Variants in LATS2 observed in about 807,000 individuals in gnomAD.
The protein encoded by LATS2 is serine/threonine-protein kinase LATS2.
In LATS2, 24 loss-of-function variants were observed where a neutral mutation model predicts 76.0. The ratio of observed to expected loss-of-function variants is 0.32; its 90% confidence interval spans 0.23 to 0.44. The LOEUF is 0.44. LATS2 is among the 20% of genes least tolerant of loss of function. The pLI, the probability that LATS2 is intolerant of heterozygous loss-of-function variation, is 1.00. For synonymous variants in LATS2, 692 were observed against 635.4 expected, an observed-to-expected ratio of 1.09 and a Z score of -1.34; for missense variants, 1,286 against 1,481.2, an observed-to-expected ratio of 0.87 and a Z score of 2.16.
intron 2 of LATS2, among the ~76,000 whole-genome samples, chr13:21,032,599 A>G (rs1461337093): frequency 2.6e-5 from 4 of 151,970 alleles, no homozygotes; most frequent in Non-Finnish European, 4.4e-5. Flanking sequence ...CCCATCAGCT[A>G]TCATTAGTAT....
At chr13:21,012,654 G>A (rs947385077) in intron 2 of LATS2, among the ~76,000 whole-genome samples, 17 of 152,102 alleles carry the variant, frequency 1.1e-4, no homozygotes, top group African/African-American at 3.9e-4. Context: ...TTTGTTGGAT[G>A]GTAAACAAGT....
intron 1 of LATS2, among the ~76,000 whole-genome samples, chr13:21,048,019 C>T (rs1873133826): frequency 6.6e-6 from 1 of 152,168 alleles, no homozygotes; most frequent in African/African-American, 2.4e-5. Flanking sequence ...TAAGACTGTG[C>T]AGACATTGAG....
In LATS2 at chr13:20,995,193, AT is replaced by A. The variant is rs141307868; in HGVS notation, c.343-3790del. 9.9e-3 allele frequency among the ~76,000 whole-genome samples: 1,505 copies of A among 152,276 alleles called. 30 individuals carry two copies. The highest frequency in any genetic ancestry group is 0.035 in the African/African-American group (1,444 of 41,558). On this transcript the variant is annotated intron_variant, in intron 2 of 7. Coordinates refer to ENST00000382592, the MANE Select transcript of LATS2 (RefSeq NM_014572.3). ...CTGTTACAGTTCACAAAGGTATCTTATGTGTTTCTGGGAAAAAAAAACATAA... is the reference window on the plus strand; with the variant it reads ...CTGTTACAGTTCACAAAGGTATCTTAGTGTTTCTGGGAAAAAAAAACATAA...
In LATS2 at chr13:20,979,756, G is replaced by C; in HGVS notation, c.2707C>G (p.Leu903Val). 1 of 1,612,362 alleles carries C rather than the reference G, an allele frequency of 6.2e-7. No individual in the cohort carries two copies. Among genetic ancestry groups the C allele is most frequent in the Non-Finnish European group, 8.5e-7 (1 of 1,178,836 alleles). The change falls in exon 7 of 8, where the codon CTC becomes GTC. Residue 903 changes from leucine (L) to valine (V), a missense_variant. Leu to Val is a conservative substitution (Grantham distance 32, BLOSUM62 1). Around this residue, in one of 5 missense-constraint regions of LATS2, gnomAD observed 247 missense variants for 385.4 expected, o/e 0.64. Transcript: ENST00000382592. ...LCDWWSVGVI[L>V]FEMLVGQPPF... ...GGCTGCCCCACCAGCATCTCGAAGA[G>C]AATCACTCCAACACTCCACCAGTCA...
chr13:20,994,109 C>T (rs1870634419), intron 2 of LATS2, among the ~76,000 whole-genome samples: 2 of 152,170 alleles, frequency 1.3e-5, no homozygotes, highest in African/African-American at 4.8e-5. Flanking sequence ...GCACCCACTA[C>T]TCAAGATGTG....
chr13:21,012,363 G>A (rs1162020008), intron 2 of LATS2, among the ~76,000 whole-genome samples: 1 of 152,138 alleles, frequency 6.6e-6, no homozygotes, highest in Non-Finnish European at 1.5e-5. Context: ...AGTGCTGTAG[G>A]TTTGTTTACA....
At chr13:21,007,563 A>AC (rs1178120552) in intron 2 of LATS2, among the ~76,000 whole-genome samples, 177 of 16,714 alleles carry the variant, frequency 0.011, 59 homozygotes, top group African/African-American at 0.047. Flanking sequence ...ATATATATAT[A>AC]TATATATATA....
chr13:21,020,651 A>G (rs1042896300), intron 2 of LATS2, among the ~76,000 whole-genome samples: 13 of 152,248 alleles, frequency 8.5e-5, no homozygotes, highest in Non-Finnish European at 1.9e-4. Context: ...CCATCCATCA[A>G]ACAGCCAGGC....
intron 2 of LATS2, among the ~76,000 whole-genome samples, chr13:21,043,413 G>A (rs7335617): frequency 2.0e-5 from 3 of 152,028 alleles, no homozygotes; most frequent in African/African-American, 7.3e-5. Flanking sequence ...CTAAAGGTAC[G>A]GTTATCTTTT....
intron 2 of LATS2, among the ~76,000 whole-genome samples, chr13:21,039,523 A>G (rs995080703): frequency 6.6e-6 from 1 of 152,134 alleles, no homozygotes; most frequent in African/African-American, 2.4e-5. Context: ...GGAGATCTGC[A>G]TTTCTGGTTA....
At chr13:21,004,552 G>A (rs1413457982) in intron 2 of LATS2, among the ~76,000 whole-genome samples, 1 of 152,152 alleles carries the variant, frequency 6.6e-6, no homozygotes, top group African/African-American at 2.4e-5. Context: ...ACACGTGTGT[G>A]TCAGCATGAA....
chr13:21,017,469 CTGGA>C (rs1294000845), intron 2 of LATS2, among the ~76,000 whole-genome samples: 3 of 152,128 alleles, frequency 2.0e-5, no homozygotes, highest in Non-Finnish European at 4.4e-5. Context: ...GCCACCACAC[CTGGA>C]TGATTCTTTA....
intron 2 of LATS2, among the ~76,000 whole-genome samples, chr13:21,003,898 A>G (rs997961697): frequency 5.3e-5 from 8 of 152,140 alleles, no homozygotes; most frequent in South Asian, 2.1e-4. Context: ...AAATAATCTT[A>G]TATCTTTTAA....
At chr13:21,045,046 G>A (rs1371505425) in intron 2 of LATS2, among the ~76,000 whole-genome samples, 1 of 152,124 alleles carries the variant, frequency 6.6e-6, no homozygotes, top group East Asian at 1.9e-4. Flanking sequence ...GTGTATTAAT[G>A]TATAACTGGT....
intron 2 of LATS2, among the ~76,000 whole-genome samples, chr13:21,008,430 C>T (rs954182971): frequency 5.9e-5 from 9 of 152,058 alleles, no homozygotes; most frequent in Non-Finnish European, 8.8e-5. Context: ...AGGAGCCATG[C>T]GTGTGGTCCC....
At chr13:21,059,731 G>A (rs1873565106) in intron 1 of LATS2, among the ~76,000 whole-genome samples, 2 of 152,120 alleles carry the variant, frequency 1.3e-5, no homozygotes, top group Non-Finnish European at 2.9e-5. Context: ...TCTGGGAGAC[G>A]GAGGCAGGTG....
rs752045866 is a variant in LATS2, at chr13:20,989,129, G to A, written c.651C>T (p.Pro217=). 30 of 1,609,082 alleles carry A rather than the reference G, an allele frequency of 1.9e-5. No individual in the cohort carries two copies. In the South Asian group the frequency reaches 2.0e-4, roughly 11 times the overall value. ...MPRPYVDYLF[P]GVGPHGPGHQ... ...GGCCGGGCCCGTGGGGGCCGACTCC[G>A]GGGAAAAGGTAGTCCACGTACGGCC... Residue 217 remains proline, a synonymous_variant, in exon 4 of 8, where the codon CCC becomes CCT. Coordinates refer to ENST00000382592, the MANE Select transcript of LATS2 (RefSeq NM_014572.3).
At position 21,045,837 on chromosome 13, in the gene LATS2, T is replaced by TCTG. The variant is rs774243239; in HGVS notation, c.187_189dup (p.Gln63dup). 11 of 1,614,228 alleles carry TCTG rather than the reference T, an allele frequency of 6.8e-6. No individual in the cohort carries two copies. Among genetic ancestry groups the TCTG allele is most frequent in the East Asian group, 2.2e-5 (1 of 44,880 alleles). On this transcript the variant is annotated inframe_insertion, in exon 2 of 8. Coordinates refer to ENST00000382592, the MANE Select transcript of LATS2 (RefSeq NM_014572.3). ...GGTCCGAACTTTGGGGTGGCTCTCA[T>TCTG]CTGCTGCTGCTGCCTGGTGGCATCT...
At chr13:21,035,680 T>C (rs1424768473) in intron 2 of LATS2, among the ~76,000 whole-genome samples, 7 of 152,230 alleles carry the variant, frequency 4.6e-5, no homozygotes, top group African/African-American at 1.4e-4. Context: ...TCCAATATTT[T>C]TCACATTATA....
Sources: gnomAD v4.1 joint callset for allele counts (sites outside exome capture counted in the v4.1 genomes callset) on GRCh38, gnomAD v4.1.1 for gene constraint, gnomAD v4.1.1 regional missense constraint, MANE v1.5 for transcripts, NCBI Gene and HGNC (gene_info 2026-07-23, HGNC 2026-07-21) for gene names.